Variants in SLC18A1 observed in about 807,000 individuals in gnomAD.
SLC18A1 encodes the protein chromaffin granule amine transporter.
A neutral mutation model predicts 53.7 loss-of-function variants in SLC18A1; 69 were observed. That is an observed-to-expected ratio of 1.28 (90% CI 1.06 to 1.57). The LOEUF is 1.57. SLC18A1 is among the 40% of genes most tolerant of loss of function. The pLI is 0.00. For synonymous variants in SLC18A1, 320 were observed against 248.1 expected (o/e 1.29, Z -2.72); for missense variants, 932 against 668.1 (o/e 1.40, Z -4.35).
chr8:20,156,900 A>G (rs1298966473), intron 10 of SLC18A1, among the ~76,000 whole-genome samples: 1 of 152,206 alleles, frequency 6.6e-6, no homozygotes, highest in African/African-American at 2.4e-5. Flanking sequence ...TTGATGGGGC[A>G]ACTGGGTTGC....
At chr8:20,166,284 T>TGG (rs2071956282) in intron 8 of SLC18A1, among the ~76,000 whole-genome samples, 1 of 98,940 alleles carries the variant, frequency 1.0e-5, no homozygotes, top group South Asian at 3.5e-4. Flanking sequence ...TGGGTGTGTG[T>TGG]GTGTCTATAT....
chr8:20,150,540 T>A (rs2071524402), intron 11 of SLC18A1, 126 bp downstream of exon 11: 1 of 841,936 alleles, frequency 1.2e-6, no homozygotes, highest in South Asian at 1.4e-5. Flanking sequence ...AGTGGGAAGT[T>A]TTTATCGGTG....
intron 11 of SLC18A1, 34 bp from the exon 12 acceptor site, chr8:20,149,761 G>C: frequency 1.2e-6 from 2 of 1,608,242 alleles, no homozygotes; most frequent in East Asian, 2.2e-5. Context: ...AACACCACTA[G>C]GGGAGAGCTC....
At chr8:20,179,842 C>A (rs1279787463) in intron 2 of SLC18A1, among the ~76,000 whole-genome samples, 2 of 152,170 alleles carry the variant, frequency 1.3e-5, no homozygotes, top group African/African-American at 4.8e-5. Context: ...ATGTAACCCC[C>A]CAAACCAACA....
In SLC18A1 at chr8:20,145,241, A is replaced by G. The variant is rs1451442609; in HGVS notation, c.*522T>C. On this transcript the variant is annotated 3_prime_UTR_variant, in exon 16 of 16. Coordinates refer to ENST00000276373, the MANE Select transcript of SLC18A1 (RefSeq NM_003053.4). ...AAAAAAAATAAATGAAAAAAAACAA[A>G]ACAAAACTCTTCAAGCTGGCATTTG... 1 of 152,176 alleles carries G rather than the reference A, an allele frequency of 6.6e-6. No homozygotes were observed. Among genetic ancestry groups the G allele is most frequent in the Admixed American group, 6.5e-5 (1 of 15,268 alleles). The allele number at this position is 152,176 out of a possible 1,614,324, so 9.4% of individuals were successfully genotyped here.
chr8:20,155,565 C>T (rs1235135864), intron 10 of SLC18A1, among the ~76,000 whole-genome samples: 1 of 152,214 alleles, frequency 6.6e-6, no homozygotes, highest in East Asian at 1.9e-4. Context: ...AACCAGAAGT[C>T]TCTACTCTAT....
intron 8 of SLC18A1, 66 bp from the exon 9 acceptor site, chr8:20,165,173 A>T: frequency 1.4e-6 from 2 of 1,394,146 alleles, no homozygotes; most frequent in African/African-American, 1.4e-5. Context: ...TTTTCACAGA[A>T]TCTGAGAAAG....
intron 1 of SLC18A1, among the ~76,000 whole-genome samples, chr8:20,182,499 GTTAT>G (rs918606803): frequency 9.2e-5 from 14 of 152,202 alleles, no homozygotes; most frequent in African/African-American, 3.4e-4. Flanking sequence ...TCAAATGCCA[GTTAT>G]TTATAATCAA....
intron 10 of SLC18A1, among the ~76,000 whole-genome samples, chr8:20,157,522 A>G (rs976636028): frequency 7.2e-5 from 11 of 152,206 alleles, no homozygotes; most frequent in African/African-American, 2.7e-4. Context: ...AAGGCTATGA[A>G]TTACTCAGTG....
chr8:20,156,215 C>T (rs960561800), intron 10 of SLC18A1, among the ~76,000 whole-genome samples: 1 of 151,012 alleles, frequency 6.6e-6, no homozygotes, highest in Non-Finnish European at 1.5e-5. Context: ...TAGAGGAAAC[C>T]TCATTGTGAG....
chr8:20,145,584 G>C lies in SLC18A1; in HGVS notation c.*179C>G, dbSNP rs1365209649. On this transcript the variant is annotated 3_prime_UTR_variant, in exon 16 of 16. Transcript: ENST00000276373. ...TGCGGCACCAAGGCATAGAGGAAGAGCTACAAGTTACACAGGTGAGAAGAG... is the reference window on the plus strand; with the variant it reads ...TGCGGCACCAAGGCATAGAGGAAGACCTACAAGTTACACAGGTGAGAAGAG... 5.6e-5 allele frequency: 25 copies of C among 443,818 alleles called. No individual in the cohort carries two copies. Among genetic ancestry groups the C allele is most frequent in the Non-Finnish European group, 4.8e-5 (12 of 250,252 alleles). 27.5% of individuals were successfully genotyped at this position (443,818 alleles called of 1,614,324 possible).
intron 9 of SLC18A1, 21 bp downstream of exon 9, chr8:20,165,026 G>A (rs773530655): frequency 1.8e-5 from 29 of 1,614,000 alleles, no homozygotes; most frequent in Non-Finnish European, 2.4e-5. Context: ...CCCGCCCAAT[G>A]GGAGGTCATC....
intron 10 of SLC18A1, among the ~76,000 whole-genome samples, chr8:20,154,144 C>T (rs1225963418): frequency 6.6e-6 from 1 of 152,194 alleles, no homozygotes; most frequent in Non-Finnish European, 1.5e-5. Context: ...CCAAATAAAC[C>T]TCTTTTCTTT....
At chr8:20,147,142 G>T in intron 15 of SLC18A1, 116 bp downstream of exon 15, 1 of 1,087,494 alleles carries the variant, frequency 9.2e-7, no homozygotes, top group Non-Finnish European at 1.3e-6. Flanking sequence ...GCAAAGCAGA[G>T]AGAGTATCAA....
In SLC18A1 at chr8:20,171,509, G is replaced by C; in HGVS notation, c.725-15C>G. ...GGGAGCTCCCACTGGAGAGGCATAG[G>C]AGACACAGATTCCAGAGGTGAGGGT... is the stretch of plus-strand genomic sequence containing the variant. On this transcript the variant is annotated splice_polypyrimidine_tract_variant and intron_variant, in intron 6 of 15. Coordinates refer to ENST00000276373, the MANE Select transcript of SLC18A1 (RefSeq NM_003053.4). 1 of 1,601,516 alleles carries C rather than the reference G, an allele frequency of 6.2e-7. No individual in the cohort carries two copies. Among genetic ancestry groups the C allele is most frequent in the Non-Finnish European group, 8.6e-7 (1 of 1,168,678 alleles).
At chr8:20,146,817 T>G (rs1475286296) in intron 15 of SLC18A1, among the ~76,000 whole-genome samples, 1 of 80,442 alleles carries the variant, frequency 1.2e-5, no homozygotes, top group Non-Finnish European at 2.4e-5. Flanking sequence ...AGAGTGAAAC[T>G]CCATCAAAAA....
chr8:20,164,942 C>T lies in SLC18A1; in HGVS notation c.942G>A (p.Met314Ile). The T allele has an allele frequency of 3.7e-6, 6 of 1,613,916 alleles. No homozygotes were observed. The highest frequency in any genetic ancestry group is 5.1e-6 in the Non-Finnish European group (6 of 1,179,862). Residue 314 changes from methionine to isoleucine, a missense_variant, in exon 10 of 16, where the codon ATG (methionine) becomes ATA (isoleucine). Transcript: ENST00000276373. ...VAAGSICFAN[M>I]GVAILEPTLP... ...GTGTGGGCTCCAGGATGGCCACCCC[C>T]ATGTTGGCAAAGCAGATGGACCCTG...
At chr8:20,168,900 G>C (rs1009167596) in intron 8 of SLC18A1, among the ~76,000 whole-genome samples, 1 of 152,180 alleles carries the variant, frequency 6.6e-6, no homozygotes, top group Non-Finnish European at 1.5e-5. Flanking sequence ...CCAGTATTTT[G>C]TAAACATTAT....
intron 15 of SLC18A1, among the ~76,000 whole-genome samples, chr8:20,146,580 T>C (rs1199709823): frequency 2.6e-5 from 4 of 152,148 alleles, no homozygotes; most frequent in African/African-American, 9.7e-5. Context: ...GAAAATCCTA[T>C]GGTATGGATC....
Sources: gnomAD v4.1 joint callset for allele counts (sites outside exome capture counted in the v4.1 genomes callset) on GRCh38, gnomAD v4.1.1 for gene constraint, MANE v1.5 for transcripts, NCBI Gene and HGNC (gene_info 2026-07-23, HGNC 2026-07-21) for gene names.